Variants in SP140 observed in about 807,000 individuals in gnomAD.
SP140 encodes the protein SP140 nuclear body protein, also known as nuclear body protein SP140.
SP140 carries 81 observed loss-of-function variants against 125.0 expected under a neutral mutation model. That is an observed-to-expected ratio of 0.65 (90% confidence interval 0.54 to 0.78). The LOEUF (loss-of-function observed/expected upper bound fraction) is 0.78, where lower values mean the gene tolerates loss of function less well. SP140 is among the 30% of genes least tolerant of loss of function. The pLI is 0.00. For synonymous variants in SP140, 312 were observed against 354.0 expected, an observed-to-expected ratio of 0.88 and a Z score of 1.33; for missense variants, 858 against 1,037.0, an observed-to-expected ratio of 0.83 and a Z score of 2.37.
At chr2:230,315,526 C>A (rs942436669), downstream of SP140, among the ~76,000 whole-genome samples, 1 of 152,138 alleles carries the variant, frequency 6.6e-6, no homozygotes, top group Non-Finnish European at 1.5e-5. Context: ...TTCCCCTCTT[C>A]CTGAATGTAT....
chr2:230,206,366 A>G (rs1015702179), intron 1 of SP140, among the ~76,000 whole-genome samples: 1 of 151,088 alleles, frequency 6.6e-6, no homozygotes, highest in Non-Finnish European at 1.5e-5. Context: ...ATAGTCAACC[A>G]TTCCCTCTTG....
In SP140 at chr2:230,240,158, A is replaced by G. The variant is rs142973258; in HGVS notation, c.407-1246A>G. On this transcript the variant is annotated intron_variant, in intron 3 of 26. Transcript: ENST00000392045. ...TTATACTACACAACATCCACAAAAA[A>G]ATAATTCAAGTTGGATCACAAATCT... Among the ~76,000 whole-genome samples the G allele has an allele frequency of 6.8e-3, 1,029 of 152,330 alleles. 16 individuals carry two copies. Among genetic ancestry groups the G allele is most frequent in the African/African-American group, 0.023 (965 of 41,574 alleles).
chr2:230,248,633 G>A (rs1285534869), intron 8 of SP140, among the ~76,000 whole-genome samples: 2 of 152,188 alleles, frequency 1.3e-5, no homozygotes, highest in African/African-American at 4.8e-5. Context: ...CAGGAGACAA[G>A]AGAAGCCAGT....
the SP140 span, among the ~76,000 whole-genome samples, chr2:230,193,104 T>C: frequency 1.3e-5 from 2 of 152,236 alleles, no homozygotes; most frequent in Non-Finnish European, 2.9e-5. Flanking sequence ...CATTATATAA[T>C]GACCTTCTTT....
At chr2:230,220,151 G>C (rs1559189116) in intron 3 of SP140, 1 of 898,524 alleles carries the variant, frequency 1.1e-6, no homozygotes, top group Non-Finnish European at 1.3e-6. Context: ...GGGGTTTGGG[G>C]GAGGGCGTGT....
chr2:230,193,970 C>T, the SP140 span, among the ~76,000 whole-genome samples: 4 of 152,124 alleles, frequency 2.6e-5, no homozygotes, highest in Non-Finnish European at 4.4e-5. Context: ...TCCTATAAGT[C>T]ATTGGTAGTG....
chr2:230,279,640 C>T (rs2055231013), intron 15 of SP140, among the ~76,000 whole-genome samples: 1 of 152,156 alleles, frequency 6.6e-6, no homozygotes, highest in Admixed American at 6.5e-5. Context: ...AAATTCATCA[C>T]CTTAAGGTAT....
At chr2:230,261,371 C>T (rs551313730) in intron 12 of SP140, among the ~76,000 whole-genome samples, 1 of 152,118 alleles carries the variant, frequency 6.6e-6, no homozygotes, top group Non-Finnish European at 1.5e-5. Context: ...TTAGGGTTTT[C>T]AAGGTATACA....
Position 230,305,146 on chromosome 2 carries a change from T to G in SP140, c.2059-4778T>G, listed in dbSNP as rs532685620. On this transcript the variant is annotated intron_variant, in intron 22 of 26. Transcript: ENST00000392045. ...AAGATATACAAATGGCCAACGAACA[T>G]GAAAAAATGCTCAGCATCACTAATT... Among the ~76,000 whole-genome samples, 3 of 152,172 alleles carry G rather than the reference T, an allele frequency of 2.0e-5. No homozygotes were observed. In the East Asian group the frequency reaches 5.8e-4, roughly 29 times the overall value.
the SP140 span, among the ~76,000 whole-genome samples, chr2:230,196,850 T>C: frequency 1.5e-4 from 23 of 152,230 alleles, no homozygotes; most frequent in Admixed American, 1.4e-3. Context: ...GTTTCATCCA[T>C]GTCCCTACAA....
upstream of SP140, chr2:230,202,596 C>T (rs144163010): frequency 4.0e-5 from 65 of 1,614,066 alleles, 1 homozygote; most frequent in South Asian, 3.3e-4. Context: ...TCTCGACTTT[C>T]GGGCACATTC....
intron 3 of SP140, among the ~76,000 whole-genome samples, chr2:230,218,156 A>G (rs1467560185): frequency 6.6e-6 from 1 of 152,272 alleles, no homozygotes; most frequent in Non-Finnish European, 1.5e-5. Context: ...CTAACAAAAC[A>G]TTCAATCAAC....
chr2:230,312,793 G>T lies in SP140; in HGVS notation c.*109G>T. On this transcript the variant is annotated 3_prime_UTR_variant, in exon 27 of 27. Transcript: ENST00000392045. Reference sequence around the variant, plus strand: ...ACTTGGGCACAGCACATGCAGGGAGGGGCTTTTCTCTGAGCCTCCTTCATC... The same window carrying T: ...ACTTGGGCACAGCACATGCAGGGAGTGGCTTTTCTCTGAGCCTCCTTCATC... 1.3e-6 allele frequency: 1 copy of T among 764,524 alleles called. No individual in the cohort carries two copies. Among genetic ancestry groups the T allele is most frequent in the South Asian group, 1.5e-5 (1 of 66,090 alleles). 47.4% of individuals were successfully genotyped at this position (764,524 alleles called of 1,614,324 possible).
chr2:230,224,515 C>CAG (rs879416639), upstream of SP140, among the ~76,000 whole-genome samples: 49 of 139,952 alleles, frequency 3.5e-4, no homozygotes, highest in East Asian at 6.2e-4. Flanking sequence ...AGAGAGAGGA[C>CAG]AGAGAGAGAG....
chr2:230,187,654 G>A, the SP140 span, among the ~76,000 whole-genome samples: 1 of 152,012 alleles, frequency 6.6e-6, no homozygotes, highest in African/African-American at 2.4e-5. Flanking sequence ...GATCCATCTT[G>A]AGTTAATTTT....
Position 230,290,690 on chromosome 2 carries a change from A to T in SP140, c.1825+126A>T, listed in dbSNP as rs541725808. The T allele has an allele frequency of 3.2e-4, 245 of 772,660 alleles. 4 individuals carry two copies. The South Asian group carries it at 4.3e-3, about 14-fold the overall frequency. 47.9% of individuals were successfully genotyped at this position (772,660 alleles called of 1,614,324 possible). A position where few individuals can be genotyped will look rare whatever the true frequency, so the allele number is the denominator to read the frequency against. On this transcript the variant is annotated intron_variant, in intron 19 of 26. Coordinates refer to ENST00000392045, the MANE Select transcript of SP140 (RefSeq NM_007237.5). Reference sequence around the variant, plus strand: ...CCCAGTTTGGCTTGAGGGAAGGAGGAAGGGATTTCTAAGATGACGTTTACA... The same window carrying T: ...CCCAGTTTGGCTTGAGGGAAGGAGGTAGGGATTTCTAAGATGACGTTTACA...
chr2:230,243,131 A>T (rs946475722), intron 4 of SP140, among the ~76,000 whole-genome samples: 1 of 152,204 alleles, frequency 6.6e-6, no homozygotes, highest in Non-Finnish European at 1.5e-5. Context: ...AATTTCCCCC[A>T]ATAATTTCAA....
chr2:230,302,966 C>T (rs1026766326), intron 22 of SP140, among the ~76,000 whole-genome samples: 1 of 151,832 alleles, frequency 6.6e-6, no homozygotes, highest in African/African-American at 2.4e-5. Flanking sequence ...TCTGAAAGAG[C>T]ACAAATAGAC....
chr2:230,270,836 C>T, intron 15 of SP140, 197 bp downstream of exon 15: 1 of 636,602 alleles, frequency 1.6e-6, no homozygotes, highest in South Asian at 1.5e-5. Flanking sequence ...AGGGACTTTA[C>T]AGATACAATT....
Sources: gnomAD v4.1 joint callset for allele counts (sites outside exome capture counted in the v4.1 genomes callset) on GRCh38, gnomAD v4.1.1 for gene constraint, MANE v1.5 for transcripts, NCBI Gene and HGNC (gene_info 2026-07-23, HGNC 2026-07-21) for gene names.